The following CCSER1 variants were observed in gnomAD, a reference collection of about 807,000 sequenced individuals.
CCSER1 encodes the protein serine-rich coiled-coil domain-containing protein 1.
CCSER1 carries 41 observed loss-of-function variants against 82.0 expected under a neutral mutation model. The observed-to-expected ratio is 0.50, with a 90% CI of 0.39 to 0.65. The LOEUF (loss-of-function observed/expected upper bound fraction) is 0.65. Ranked by LOEUF, CCSER1 falls within the 30% of genes least tolerant of loss-of-function variation. The pLI is 0.00. For synonymous variants in CCSER1, 414 were observed against 383.9 expected (o/e 1.08, Z -0.92); for missense variants, 1,119 against 1,064.2 (o/e 1.05, Z -0.72).
chr4:91,019,742 T>C (rs1406196923), intron 9 of CCSER1, among the ~76,000 whole-genome samples: 1 of 151,982 alleles, frequency 6.6e-6, no homozygotes, highest in Non-Finnish European at 1.5e-5. Flanking sequence ...TACATGAAAA[T>C]CCCCCCTGAA....
intron 5 of CCSER1, among the ~76,000 whole-genome samples, chr4:90,573,406 G>A (rs1362815498): frequency 6.6e-6 from 1 of 152,202 alleles, no homozygotes; most frequent in Non-Finnish European, 1.5e-5. Flanking sequence ...ATTGTGGTAG[G>A]CCCAGTGGTA....
intron 10 of CCSER1, among the ~76,000 whole-genome samples, chr4:91,542,923 T>C (rs562206766): frequency 2.0e-5 from 3 of 152,188 alleles, no homozygotes; most frequent in Non-Finnish European, 4.4e-5. Context: ...CCATTATTAT[T>C]GTGTGGGAGT....
chr4:90,372,882 T>G (rs1747684392), intron 3 of CCSER1, among the ~76,000 whole-genome samples: 1 of 151,380 alleles, frequency 6.6e-6, no homozygotes, highest in Non-Finnish European at 1.5e-5. Flanking sequence ...AGAAATGATA[T>G]AAGTCTGATG....
At chr4:90,429,163 C>G (rs1202498689) in intron 4 of CCSER1, among the ~76,000 whole-genome samples, 3 of 151,672 alleles carry the variant, frequency 2.0e-5, no homozygotes, top group Admixed American at 6.6e-5. Context: ...AAAATAAAGT[C>G]TATTAATGTA....
At chr4:91,338,945 C>G (rs1747514742) in intron 10 of CCSER1, among the ~76,000 whole-genome samples, 1 of 152,182 alleles carries the variant, frequency 6.6e-6, no homozygotes, top group Non-Finnish European at 1.5e-5. Flanking sequence ...GCCAAAGATA[C>G]TGCATTCATT....
At chr4:91,197,633 C>T (rs909207443) in intron 10 of CCSER1, among the ~76,000 whole-genome samples, 1 of 152,106 alleles carries the variant, frequency 6.6e-6, no homozygotes, top group Non-Finnish European at 1.5e-5. Context: ...GATGTTACTG[C>T]TTAATCCTAG....
chr4:91,531,057 T>C (rs938076965), intron 10 of CCSER1, among the ~76,000 whole-genome samples: 3 of 152,144 alleles, frequency 2.0e-5, no homozygotes, highest in African/African-American at 7.2e-5. Context: ...ATGTACTAGG[T>C]ACTTTATGAG....
At chr4:91,129,989 C>T (rs1462837345) in intron 10 of CCSER1, 2 of 151,856 alleles carry the variant, frequency 1.3e-5, no homozygotes, top group Non-Finnish European at 2.9e-5. Context: ...TTATGAATTA[C>T]TGTATTAAAG....
At chr4:91,077,106 T>C (rs1037186450) in intron 9 of CCSER1, among the ~76,000 whole-genome samples, 1 of 152,138 alleles carries the variant, frequency 6.6e-6, no homozygotes, top group Non-Finnish European at 1.5e-5. Context: ...TCAGTAGAAT[T>C]CCCAGGGGTC....
intron 10 of CCSER1, among the ~76,000 whole-genome samples, chr4:91,536,568 G>C (rs1184012484): frequency 6.6e-6 from 1 of 152,060 alleles, no homozygotes; most frequent in Non-Finnish European, 1.5e-5. Context: ...AAGAGGGCAG[G>C]AGATTTAAAG....
At chr4:90,462,171 A>C (rs964254488) in intron 4 of CCSER1, among the ~76,000 whole-genome samples, 2 of 147,254 alleles carry the variant, frequency 1.4e-5, no homozygotes, top group African/African-American at 2.7e-5. Context: ...TGGTATTTAC[A>C]ATACCAAAAT....
At chr4:90,964,219 A>C (rs1283133091) in intron 9 of CCSER1, among the ~76,000 whole-genome samples, 1 of 152,224 alleles carries the variant, frequency 6.6e-6, no homozygotes, top group African/African-American at 2.4e-5. Flanking sequence ...AGTTCATAGA[A>C]GTGAACAACT....
At chr4:91,082,659 C>A (rs1220795735) in intron 9 of CCSER1, among the ~76,000 whole-genome samples, 3 of 152,034 alleles carry the variant, frequency 2.0e-5, no homozygotes, top group Non-Finnish European at 2.9e-5. Flanking sequence ...ACAATCTACC[C>A]ATCTGACAAA....
intron 10 of CCSER1, among the ~76,000 whole-genome samples, chr4:91,509,631 C>T (rs1400558172): frequency 6.6e-6 from 1 of 152,020 alleles, no homozygotes; most frequent in East Asian, 1.9e-4. Context: ...CACCTTCTGC[C>T]TAGTTGTTCT....
At chr4:91,498,042 G>A (rs1326250934) in intron 10 of CCSER1, among the ~76,000 whole-genome samples, 1 of 151,974 alleles carries the variant, frequency 6.6e-6, no homozygotes, top group Non-Finnish European at 1.5e-5. Context: ...GATACATTAA[G>A]AAGCACAGCT....
At chr4:91,132,990 G>C (rs760042556) in intron 10 of CCSER1, among the ~76,000 whole-genome samples, 7 of 152,112 alleles carry the variant, frequency 4.6e-5, no homozygotes, top group Admixed American at 1.3e-4. Flanking sequence ...ACTTGATTTT[G>C]TCAGGGCTTT....
At chr4:91,326,512 A>G (rs1746572582) in intron 10 of CCSER1, among the ~76,000 whole-genome samples, 2 of 152,288 alleles carry the variant, frequency 1.3e-5, no homozygotes, top group East Asian at 1.9e-4. Context: ...CTGGGGGATA[A>G]CAATTCATCA....
Position 90,723,985 on chromosome 4 carries a change from T to C in CCSER1, c.2004T>C (p.Pro668=). ...PVSPLTEEPV[P]FKDIMKDECS... is the part of the protein sequence containing the mutation. Reference sequence around the variant, plus strand: ...GTCCTCTTACTGAAGAGCCAGTGCCTTTCAAGGTAAAAAACAAACAAGAAA... The same window carrying C: ...GTCCTCTTACTGAAGAGCCAGTGCCCTTCAAGGTAAAAAACAAACAAGAAA... The change falls in exon 7 of 11, where the codon CCT becomes CCC. Residue 668 remains proline, a synonymous_variant. Transcript: ENST00000509176. The C allele has an allele frequency of 6.4e-7, 1 of 1,558,158 alleles. No homozygotes were observed. Among genetic ancestry groups the C allele is most frequent in the South Asian group, 1.2e-5 (1 of 83,706 alleles).
At chr4:90,709,541 T>C (rs1740082812) in intron 6 of CCSER1, among the ~76,000 whole-genome samples, 2 of 152,164 alleles carry the variant, frequency 1.3e-5, no homozygotes, top group Non-Finnish European at 2.9e-5. Context: ...AGTATTTGGT[T>C]TTCTGTTCCT....
Sources: gnomAD v4.1 joint callset for allele counts (sites outside exome capture counted in the v4.1 genomes callset) on GRCh38, gnomAD v4.1.1 for gene constraint, MANE v1.5 for transcripts, NCBI Gene and HGNC (gene_info 2026-07-23, HGNC 2026-07-21) for gene names.